Variants in APTX observed in about 807,000 individuals in gnomAD.
APTX encodes aprataxin.
APTX carries 33 observed loss-of-function variants against 42.3 expected under a neutral mutation model. The ratio of observed to expected loss-of-function variants is 0.78; its 90% CI spans 0.59 to 1.04. The LOEUF is 1.04. APTX is among the 50% of genes least tolerant of loss of function. APTX has a pLI of 0.00. For synonymous variants in APTX, 130 were observed against 146.7 expected (o/e 0.89, Z 0.82); for missense variants, 421 against 415.1 (o/e 1.01, Z -0.12).
rs1831294372 is a variant in APTX at position 32,983,971 on chromosome 9, T to A, written c.770+660A>T. Among the ~76,000 whole-genome samples the A allele has an allele frequency of 2.0e-5, 3 of 152,208 alleles. No homozygotes were observed. The South Asian group carries it at 6.2e-4, about 32-fold the overall frequency. The stretch of plus-strand genomic sequence containing the variant: ...ATATGAATATAGTAATGCCAATGAA[T>A]TGTACACTTAAAGATGACTAAAATG... On this transcript the variant is annotated intron_variant, in intron 6 of 7. Transcript: ENST00000379817.
At chr9:33,000,644 A>AG (rs1208839508) in intron 1 of APTX, among the ~76,000 whole-genome samples, 3 of 147,656 alleles carry the variant, frequency 2.0e-5, no homozygotes, top group East Asian at 4.0e-4. Flanking sequence ...AAAAAAAAAA[A>AG]AAAGAAAAGA....
intron 1 of APTX, among the ~76,000 whole-genome samples, chr9:32,993,355 T>C (rs1301024724): frequency 1.3e-5 from 2 of 152,216 alleles, no homozygotes; most frequent in Non-Finnish European, 2.9e-5. Context: ...TGTTTTACAA[T>C]ATGGCAAGTG....
chr9:33,019,880 T>C (rs1838229377), intron 1 of APTX: 1 of 607,566 alleles, frequency 1.6e-6, no homozygotes, highest in African/African-American at 1.9e-5. Flanking sequence ...GGGTTCGGCA[T>C]CTGGAGCCAG....
intron 1 of APTX, 190 bp downstream of exon 1, chr9:33,001,377 C>G: frequency 6.5e-7 from 1 of 1,531,448 alleles, no homozygotes; most frequent in Admixed American, 2.0e-5. Context: ...GGGTCGAAGA[C>G]CAACGCGAGC....
At chr9:32,981,981 A>G (rs1032441514) in intron 6 of APTX, among the ~76,000 whole-genome samples, 5 of 151,282 alleles carry the variant, frequency 3.3e-5, no homozygotes, top group African/African-American at 1.2e-4. Context: ...TCTAACCCAA[A>G]ATATTCATGA....
Position 32,973,060 on chromosome 9 carries a change from C to T in APTX, c.*438G>A, listed in dbSNP as rs1219720670. 2.2e-6 allele frequency: 1 copy of T among 454,736 alleles called. No homozygotes were observed. The highest frequency in any genetic ancestry group is 2.0e-5 in the African/African-American group (1 of 50,168). 28.2% of individuals were successfully genotyped at this position (454,736 alleles called of 1,614,324 possible). A position where few individuals can be genotyped will look rare whatever the true frequency, so the allele number is the denominator to read the frequency against. On this transcript the variant is annotated 3_prime_UTR_variant, in exon 8 of 8. Coordinates refer to ENST00000379817, the MANE Select transcript of APTX (RefSeq NM_001195248.2). ...CAAAACAGACTAACAGAAAACAAGA[C>T]CCATCAGTATCTTCAGGATAAACAA... is the stretch of plus-strand genomic sequence containing the variant.
chr9:32,992,742 G>A (rs1306653536), intron 1 of APTX, among the ~76,000 whole-genome samples: 1 of 152,236 alleles, frequency 6.6e-6, no homozygotes, highest in Non-Finnish European at 1.5e-5. Flanking sequence ...AGGCAGTCTA[G>A]CATGGAGAAA....
intron 1 of APTX, among the ~76,000 whole-genome samples, chr9:33,017,994 T>C (rs1242164277): frequency 6.9e-6 from 1 of 145,388 alleles, no homozygotes; most frequent in Non-Finnish European, 1.5e-5. Context: ...TCAGATGTGA[T>C]TGAAAGGGGC....
In APTX at chr9:32,989,230, T is replaced by TG. The variant is rs533353118; in HGVS notation, c.133+528dup. ...TCAGAACCCTTGGGAAACCTTGCTG[T>TG]GGGGGGGTCACACTCCAGCCAGCAG... On this transcript the variant is annotated intron_variant, in intron 2 of 7. Coordinates refer to ENST00000379817, the MANE Select transcript of APTX (RefSeq NM_001195248.2). Among the ~76,000 whole-genome samples the TG allele has an allele frequency of 1.4e-4, 22 of 152,134 alleles. No homozygotes were observed. In the East Asian group the frequency reaches 1.5e-3, roughly 11 times the overall value.
intron 1 of APTX, among the ~76,000 whole-genome samples, chr9:33,000,826 A>G (rs945902254): frequency 1.2e-4 from 18 of 148,098 alleles, no homozygotes; most frequent in Non-Finnish European, 2.7e-4. Context: ...ATGTATGGGG[A>G]AAGGCTTTTT....
At chr9:32,990,764 G>A (rs1833418948) in intron 1 of APTX, among the ~76,000 whole-genome samples, 1 of 152,160 alleles carries the variant, frequency 6.6e-6, no homozygotes, top group African/African-American at 2.4e-5. Flanking sequence ...GAGTTTGCCT[G>A]CCAGAGAACT....
Position 32,984,791 on chromosome 9 carries a change from C to T in APTX, c.610G>A (p.Val204Ile). The T allele has an allele frequency of 6.2e-7, 1 of 1,614,220 alleles. No homozygotes were observed. The highest frequency in any genetic ancestry group is 8.5e-7 in the Non-Finnish European group (1 of 1,180,036). ...CTGGAAATGGAGGTCCACGGTAAGA[C>T]CAGCCAATGGTAACGGGCCTTTGGG... is the stretch of plus-strand genomic sequence containing the variant. ...KYPKARYHWLVLPWTSISSLK... is the reference protein window; with the variant it reads ...KYPKARYHWLILPWTSISSLK... Residue 204 changes from valine (V) to isoleucine (I), a missense_variant, in exon 6 of 8, where the codon GTC becomes ATC. By Grantham distance (29) the Val-to-Ile change is conservative (BLOSUM62 3). Coordinates refer to ENST00000379817, the MANE Select transcript of APTX (RefSeq NM_001195248.2).
chr9:33,016,512 TA>T (rs1200210138), intron 1 of APTX, among the ~76,000 whole-genome samples: 1 of 152,136 alleles, frequency 6.6e-6, no homozygotes, highest in Non-Finnish European at 1.5e-5. Context: ...CCTTTAGGTT[TA>T]AAAAAATAAA....
chr9:33,018,841 T>C (rs1331141281), intron 1 of APTX, among the ~76,000 whole-genome samples: 1 of 152,136 alleles, frequency 6.6e-6, no homozygotes, highest in African/African-American at 2.4e-5. Context: ...ATCACGCCAT[T>C]GCGCTCCAGC....
chr9:32,981,026 A>G (rs1309713869), intron 6 of APTX, among the ~76,000 whole-genome samples: 1 of 152,254 alleles, frequency 6.6e-6, no homozygotes, highest in Non-Finnish European at 1.5e-5. Context: ...CAAATGAATG[A>G]GGAAACCACA....
At chr9:32,995,893 A>C (rs1234965020) in intron 1 of APTX, among the ~76,000 whole-genome samples, 1 of 151,670 alleles carries the variant, frequency 6.6e-6, no homozygotes, top group African/African-American at 2.4e-5. Flanking sequence ...GTCTCAAAAA[A>C]AAAAAAAAAA....
At chr9:33,023,224 T>TC (rs1184615894) in intron 1 of APTX, among the ~76,000 whole-genome samples, 1 of 151,988 alleles carries the variant, frequency 6.6e-6, no homozygotes, top group Non-Finnish European at 1.5e-5. Context: ...TTATGTGATT[T>TC]TTTTTTTTTT....
intron 1 of APTX, among the ~76,000 whole-genome samples, chr9:33,007,714 T>C (rs1837257969): frequency 6.6e-6 from 1 of 151,938 alleles, no homozygotes; most frequent in Non-Finnish European, 1.5e-5. Context: ...TCTCTGACCA[T>C]ATACAGGTCT....
intron 1 of APTX, among the ~76,000 whole-genome samples, chr9:33,017,982 T>A (rs1158512681): frequency 1.6e-5 from 2 of 123,578 alleles, no homozygotes; most frequent in African/African-American, 6.2e-5. Context: ...ATTAATATAA[T>A]CTCAGATGTG....
Sources: gnomAD v4.1 joint callset for allele counts (sites outside exome capture counted in the v4.1 genomes callset) on GRCh38, gnomAD v4.1.1 for gene constraint, MANE v1.5 for transcripts, NCBI Gene and HGNC (gene_info 2026-07-23, HGNC 2026-07-21) for gene names.